Variants in IMMP2L observed in about 807,000 individuals in gnomAD.
The protein encoded by IMMP2L is inner mitochondrial membrane peptidase subunit 2, also known as mitochondrial inner membrane protease subunit 2.
Under a neutral mutation model 19.3 loss-of-function variants are expected in IMMP2L, and 18 were observed. The ratio of observed to expected loss-of-function variants is 0.93; its 90% CI spans 0.64 to 1.38. The LOEUF (loss-of-function observed/expected upper bound fraction) is 1.38, where lower values mean the gene tolerates loss of function less well. Ranked by LOEUF, IMMP2L falls within the 40% of genes most tolerant of loss-of-function variation. The pLI is 0.00. For synonymous variants in IMMP2L, 76 were observed against 73.0 expected, an observed-to-expected ratio of 1.04 and a Z score of -0.21; for missense variants, 233 against 218.2, an observed-to-expected ratio of 1.07 and a Z score of -0.43.
chr7:110,811,983 T>C (rs752333212), intron 5 of IMMP2L, among the ~76,000 whole-genome samples: 4 of 152,082 alleles, frequency 2.6e-5, no homozygotes, highest in Non-Finnish European at 5.9e-5. Context: ...CTTCTACCTC[T>C]ATTCTTCTCC....
intron 5 of IMMP2L, among the ~76,000 whole-genome samples, chr7:110,732,724 G>A (rs1007029570): frequency 1.3e-5 from 2 of 151,986 alleles, no homozygotes. Flanking sequence ...CATATGCTTC[G>A]TAAATGATCT....
Position 110,802,237 on chromosome 7 carries a change from T to C in IMMP2L, c.408+84356A>G, listed in dbSNP as rs145373462. Among the ~76,000 whole-genome samples the C allele has an allele frequency of 3.5e-4, 53 of 152,140 alleles. No homozygotes were observed. The East Asian group carries it at 0.01, about 29-fold the overall frequency. On this transcript the variant is annotated intron_variant, in intron 5 of 5. Coordinates refer to ENST00000405709, the MANE Select transcript of IMMP2L (RefSeq NM_032549.4). ...TTAAAAATCCTCTTCTGAATTTTCA[T>C]GAAATTAGAGGTCCTGAGGTTAACC...
chr7:111,146,734 A>G (rs186302561), intron 3 of IMMP2L, among the ~76,000 whole-genome samples: 6 of 152,264 alleles, frequency 3.9e-5, no homozygotes, highest in African/African-American at 1.4e-4. Flanking sequence ...TTAATGGATG[A>G]AAAAGGGAAT....
Position 110,815,097 on chromosome 7 carries a change from T to G in IMMP2L, c.408+71496A>C, listed in dbSNP as rs552006797. ...TGCCCATTCAGTATGATATTGGCTG[T>G]GGGTTTGTCATAGATAGCTCCTATT... On this transcript the variant is annotated intron_variant, in intron 5 of 5. Coordinates refer to ENST00000405709, the MANE Select transcript of IMMP2L (RefSeq NM_032549.4). Among the ~76,000 whole-genome samples, 30 of 152,214 alleles carry G rather than the reference T, an allele frequency of 2.0e-4. No homozygotes were observed. In the East Asian group the frequency reaches 5.8e-3, roughly 29 times the overall value.
chr7:111,130,159 T>C (rs1158003260), intron 3 of IMMP2L, among the ~76,000 whole-genome samples: 1 of 152,150 alleles, frequency 6.6e-6, no homozygotes, highest in Non-Finnish European at 1.5e-5. Context: ...ATCTTTGAAA[T>C]AAGCCATAGA....
intron 3 of IMMP2L, among the ~76,000 whole-genome samples, chr7:111,359,024 TAA>T (rs890216923): frequency 1.3e-5 from 2 of 152,136 alleles, no homozygotes; most frequent in Non-Finnish European, 2.9e-5. Flanking sequence ...GCTAGAAAGC[TAA>T]AGTTTATTTC....
At chr7:111,462,954 CCATAA>C (rs1261520592) in intron 3 of IMMP2L, among the ~76,000 whole-genome samples, 2 of 152,040 alleles carry the variant, frequency 1.3e-5, no homozygotes, top group African/African-American at 4.8e-5. Flanking sequence ...TGCAGGGTTG[CCATAA>C]CATAATACCA....
At chr7:111,339,401 A>G (rs180981840) in intron 3 of IMMP2L, among the ~76,000 whole-genome samples, 4 of 152,096 alleles carry the variant, frequency 2.6e-5, no homozygotes, top group African/African-American at 7.2e-5. Flanking sequence ...ATTAAAAAAA[A>G]AGAGAGGCCC....
chr7:111,465,947 T>C (rs1840613594), intron 3 of IMMP2L, among the ~76,000 whole-genome samples: 2 of 152,114 alleles, frequency 1.3e-5, no homozygotes, highest in African/African-American at 2.4e-5. Context: ...AATGATAGAC[T>C]GGATTAAGAA....
At chr7:111,344,602 G>A (rs1189044728) in intron 3 of IMMP2L, among the ~76,000 whole-genome samples, 2 of 152,166 alleles carry the variant, frequency 1.3e-5, no homozygotes, top group Non-Finnish European at 2.9e-5. Flanking sequence ...GTCTATAGGT[G>A]TAATATATGC....
At chr7:111,321,142 A>T (rs1824657266) in intron 3 of IMMP2L, among the ~76,000 whole-genome samples, 2 of 152,030 alleles carry the variant, frequency 1.3e-5, no homozygotes, top group African/African-American at 4.8e-5. Flanking sequence ...ATCCTAATGA[A>T]TCTAGGAAAG....
At position 111,510,733 on chromosome 7, in the gene IMMP2L, C is replaced by CTGCCT. The variant is rs750629592; in HGVS notation, c.135+10575_135+10579dup. Among the ~76,000 whole-genome samples, 4 of 152,154 alleles carry CTGCCT rather than the reference C, an allele frequency of 2.6e-5. No homozygotes were observed. In the South Asian group the frequency reaches 6.2e-4, roughly 24 times the overall value. ...CCAGTCCTAAACTGTTCATTCTGCC[C>CTGCCT]TGCCTTGCCTTGCCTTGCCTGCACA... On this transcript the variant is annotated intron_variant, in intron 2 of 5. Coordinates refer to ENST00000405709, the MANE Select transcript of IMMP2L (RefSeq NM_032549.4).
chr7:111,414,862 C>T (rs1422301468), intron 3 of IMMP2L, among the ~76,000 whole-genome samples: 2 of 151,684 alleles, frequency 1.3e-5, no homozygotes, highest in African/African-American at 4.9e-5. Context: ...CCATAGCTTC[C>T]TGTAGTGGGC....
intron 3 of IMMP2L, among the ~76,000 whole-genome samples, chr7:111,082,388 C>T (rs1349501353): frequency 1.3e-5 from 2 of 152,182 alleles, no homozygotes; most frequent in African/African-American, 2.4e-5. Context: ...CAAAAATAAA[C>T]GCACCTTCTG....
chr7:111,290,810 C>CTA (rs34013550), intron 3 of IMMP2L, among the ~76,000 whole-genome samples: 203 of 149,386 alleles, frequency 1.4e-3, no homozygotes, highest in African/African-American at 4.0e-3. Flanking sequence ...CTCTCTCTCA[C>CTA]TATATATATA....
intron 1 of IMMP2L, among the ~76,000 whole-genome samples, chr7:111,524,250 A>G (rs1157803398): frequency 6.6e-6 from 1 of 151,976 alleles, no homozygotes; most frequent in African/African-American, 2.4e-5. Context: ...TTGTTTCCAA[A>G]ATATATATAA....
chr7:110,823,869 A>G (rs943729430), intron 5 of IMMP2L, among the ~76,000 whole-genome samples: 7 of 152,108 alleles, frequency 4.6e-5, no homozygotes, highest in African/African-American at 1.7e-4. Context: ...TTAATTAATA[A>G]CAGTATCAAA....
At chr7:111,196,027 T>A (rs1254957614) in intron 3 of IMMP2L, among the ~76,000 whole-genome samples, 1 of 151,610 alleles carries the variant, frequency 6.6e-6, no homozygotes, top group Non-Finnish European at 1.5e-5. Context: ...TGCCACCACA[T>A]CCACCGTTTT....
At chr7:110,816,155 G>A (rs1802493258) in intron 5 of IMMP2L, among the ~76,000 whole-genome samples, 1 of 152,034 alleles carries the variant, frequency 6.6e-6, no homozygotes, top group Non-Finnish European at 1.5e-5. Context: ...CAGAGATACT[G>A]GTATGTTGTG....
Sources: gnomAD v4.1 joint callset for allele counts (sites outside exome capture counted in the v4.1 genomes callset) on GRCh38, gnomAD v4.1.1 for gene constraint, MANE v1.5 for transcripts, NCBI Gene and HGNC (gene_info 2026-07-23, HGNC 2026-07-21) for gene names.